The following IFT80 variants were observed in gnomAD, a reference collection of about 807,000 sequenced individuals.
IFT80 encodes the protein intraflagellar transport 80, also known as intraflagellar transport protein 80 homolog.
IFT80 carries 79 observed loss-of-function variants against 107.9 expected under a neutral mutation model. That is an observed-to-expected ratio of 0.73 (90% CI 0.61 to 0.88). The LOEUF is 0.88. Among genes scored for constraint, IFT80 ranks in the 40% least tolerant of loss-of-function variants. The pLI, the probability that IFT80 is intolerant of heterozygous loss-of-function variation, is 0.00. For missense variants in IFT80, 797 were observed against 914.2 expected, an observed-to-expected ratio of 0.87 and a Z score of 1.65; for synonymous variants, 299 against 300.9, an observed-to-expected ratio of 0.99 and a Z score of 0.07.
At position 160,357,483 on chromosome 3, in the gene IFT80, A is replaced by G; in HGVS notation, c.639+6T>C. 1 of 1,381,076 alleles carries G rather than the reference A, an allele frequency of 7.2e-7. No individual in the cohort carries two copies. 85.6% of individuals were successfully genotyped at this position (1,381,076 alleles called of 1,614,324 possible). A position where few individuals can be genotyped will look rare whatever the true frequency, so the allele number is the denominator to read the frequency against. ...CAGCCAAGTGATAAATCTAAACATTATATACCTTATATTTACAGTCTTCAC... is the reference window on the plus strand; with the variant it reads ...CAGCCAAGTGATAAATCTAAACATTGTATACCTTATATTTACAGTCTTCAC... On this transcript the variant is annotated splice_donor_region_variant and intron_variant, in intron 7 of 19. Coordinates refer to ENST00000326448, the MANE Select transcript of IFT80 (RefSeq NM_020800.3).
At chr3:160,376,851 TA>T (rs1559968747) in intron 4 of IFT80, among the ~76,000 whole-genome samples, 1 of 152,144 alleles carries the variant, frequency 6.6e-6, no homozygotes, top group Non-Finnish European at 1.5e-5. Context: ...ACCATGTGAG[TA>T]AGACATCTTG....
At chr3:160,297,553 A>C (rs1211793885) in intron 12 of IFT80, among the ~76,000 whole-genome samples, 1 of 152,100 alleles carries the variant, frequency 6.6e-6, no homozygotes, top group Non-Finnish European at 1.5e-5. Context: ...TTTAAGTTGG[A>C]GGTCACCGCT....
chr3:160,385,972 T>C (rs1712901482), intron 1 of IFT80, among the ~76,000 whole-genome samples: 10 of 152,208 alleles, frequency 6.6e-5, no homozygotes, highest in Admixed American at 6.5e-4. Flanking sequence ...CTGAATATAC[T>C]ATTACAATCA....
At chr3:160,278,020 ATAT>A (rs1272870200) in intron 16 of IFT80, among the ~76,000 whole-genome samples, 4 of 152,226 alleles carry the variant, frequency 2.6e-5, no homozygotes, top group Non-Finnish European at 5.9e-5. Flanking sequence ...TCAGACAATG[ATAT>A]TATGGTAGAT....
chr3:160,379,183 A>C (rs77394140), intron 3 of IFT80, among the ~76,000 whole-genome samples: 1 of 152,196 alleles, frequency 6.6e-6, no homozygotes, highest in Admixed American at 6.5e-5. Context: ...GAATCTAATC[A>C]TGAGGAAACA....
chr3:160,307,241 G>A (rs1576783545), intron 10 of IFT80, among the ~76,000 whole-genome samples: 2 of 152,090 alleles, frequency 1.3e-5, no homozygotes, highest in East Asian at 3.8e-4. Context: ...TAGACCTCCT[G>A]GGCTCAAGCA....
chr3:160,285,750 A>G, intron 13 of IFT80, 54 bp downstream of exon 13: 1 of 1,150,954 alleles, frequency 8.7e-7, no homozygotes, highest in Non-Finnish European at 1.3e-6. Context: ...TAATTTTGAA[A>G]AGGAAATAAA....
intron 19 of IFT80, among the ~76,000 whole-genome samples, chr3:160,263,692 G>A (rs1713048335): frequency 6.6e-6 from 1 of 151,596 alleles, no homozygotes; most frequent in Non-Finnish European, 1.5e-5. Context: ...TTTATTTTTT[G>A]TGGGGACGGA....
At chr3:160,292,476 T>A (rs1312437873) in intron 12 of IFT80, among the ~76,000 whole-genome samples, 1 of 67,860 alleles carries the variant, frequency 1.5e-5, no homozygotes, top group Non-Finnish European at 3.1e-5. Flanking sequence ...GAGAGATTCC[T>A]TTTTTTTTTT....
intron 8 of IFT80, among the ~76,000 whole-genome samples, chr3:160,339,936 T>G (rs539726495): frequency 6.6e-6 from 1 of 152,194 alleles, no homozygotes; most frequent in Non-Finnish European, 1.5e-5. Flanking sequence ...ATTTGGTTTT[T>G]AGCTGTGGGC....
At chr3:160,302,780 T>C (rs879720511) in intron 11 of IFT80, among the ~76,000 whole-genome samples, 4 of 152,174 alleles carry the variant, frequency 2.6e-5, no homozygotes, top group Admixed American at 1.3e-4. Flanking sequence ...AACTAAATAA[T>C]TGATACATTT....
intron 8 of IFT80, among the ~76,000 whole-genome samples, chr3:160,320,597 G>T (rs1718135391): frequency 6.6e-6 from 1 of 151,532 alleles, no homozygotes; most frequent in Non-Finnish European, 1.5e-5. Flanking sequence ...TTAATACATG[G>T]TATTATATGC....
chr3:160,260,779 C>T (rs1373218273), intron 19 of IFT80, among the ~76,000 whole-genome samples: 1 of 152,176 alleles, frequency 6.6e-6, no homozygotes, highest in African/African-American at 2.4e-5. Context: ...ATTCTACTCG[C>T]TAGCCAATTC....
chr3:160,267,278 T>C (rs1713413670), intron 19 of IFT80, among the ~76,000 whole-genome samples: 1 of 151,850 alleles, frequency 6.6e-6, no homozygotes, highest in African/African-American at 2.4e-5. Flanking sequence ...GGGTGCCTTC[T>C]CTCTATCTTC....
At chr3:160,353,360 A>G (rs1164409605) in intron 8 of IFT80, among the ~76,000 whole-genome samples, 5 of 152,102 alleles carry the variant, frequency 3.3e-5, no homozygotes, top group African/African-American at 1.2e-4. Context: ...TCAGGGGCTC[A>G]ACTCCCTCAC....
At chr3:160,306,899 G>A (rs1250134475) in intron 10 of IFT80, among the ~76,000 whole-genome samples, 1 of 152,096 alleles carries the variant, frequency 6.6e-6, no homozygotes, top group Non-Finnish European at 1.5e-5. Flanking sequence ...TAGGTGCTAG[G>A]CATACAGTGG....
At chr3:160,389,477 C>T (rs1202173653) in intron 1 of IFT80, among the ~76,000 whole-genome samples, 1 of 106,102 alleles carries the variant, frequency 9.4e-6, no homozygotes, top group East Asian at 3.4e-4. Flanking sequence ...ATATCCCTCC[C>T]CCCTCCCCCC....
chr3:160,384,744 G>A (rs552683474), intron 1 of IFT80, 98 bp from the exon 2 acceptor site: 4 of 853,834 alleles, frequency 4.7e-6, no homozygotes, highest in African/African-American at 1.7e-5. Flanking sequence ...GCACCCCAAC[G>A]AGCACCTTCA....
At chr3:160,262,724 A>C (rs2108199205) in intron 19 of IFT80, among the ~76,000 whole-genome samples, 1 of 152,256 alleles carries the variant, frequency 6.6e-6, no homozygotes, top group East Asian at 1.9e-4. Flanking sequence ...TTAGGAGGAA[A>C]AGGGGGAGAA....
Sources: allele counts gnomAD v4.1 joint callset (sites outside exome capture counted in the v4.1 genomes callset), GRCh38; gene constraint gnomAD v4.1.1; transcripts MANE v1.5; gene names NCBI Gene and HGNC (gene_info 2026-07-23, HGNC 2026-07-21).